GLT1D1: variants seen among roughly 807,000 people sequenced by gnomAD.
GLT1D1 encodes glycosyltransferase 1 domain-containing protein 1.
GLT1D1 carries 21 observed loss-of-function variants against 28.7 expected under a neutral mutation model. That is an observed-to-expected ratio of 0.73 (90% CI 0.52 to 1.05). The LOEUF (loss-of-function observed/expected upper bound fraction) is 1.05, where lower values mean the gene tolerates loss of function less well. GLT1D1 is among the 50% of genes least tolerant of loss of function. The pLI, the probability that GLT1D1 is intolerant of heterozygous loss-of-function variation, is 0.00. For missense variants in GLT1D1, 343 were observed against 330.6 expected (o/e 1.04, Z -0.29); for synonymous variants, 147 against 124.8 (o/e 1.18, Z -1.19).
chr12:128,962,144 G>A (rs1186950406), intron 7 of GLT1D1, among the ~76,000 whole-genome samples: 7 of 151,564 alleles, frequency 4.6e-5, no homozygotes, highest in African/African-American at 1.7e-4. Flanking sequence ...GTCCCCCTCG[G>A]CCTCCTGGCA....
intron 5 of GLT1D1, 121 bp downstream of exon 9, chr12:128,945,490 C>T: frequency 1.2e-6 from 1 of 848,996 alleles, no homozygotes; most frequent in Non-Finnish European, 2.0e-6. Flanking sequence ...ACTGTTTCCT[C>T]ATGCATCTTC....
chr12:128,971,405 C>A (rs1308608993), intron 7 of GLT1D1, among the ~76,000 whole-genome samples: 1 of 140,978 alleles, frequency 7.1e-6, no homozygotes, highest in Non-Finnish European at 1.5e-5. Context: ...CTTCCTTTCT[C>A]CCTTCTTCCC....
rs966874574 is a variant in GLT1D1 at position 128,928,612 on chromosome 12, G to GT, written c.376-16703dup. Among the ~76,000 whole-genome samples, 341 of 143,812 alleles carry GT rather than the reference G, an allele frequency of 2.4e-3. 4 individuals carry two copies. Among genetic ancestry groups the GT allele is most frequent in the South Asian group, 4.0e-3 (17 of 4,296 alleles). The allele number at this position is 143,812 out of a possible 152,430, so 94.3% of individuals were successfully genotyped here. On this transcript the variant is annotated intron_variant, in intron 4 of 7. Coordinates refer to ENST00000281703, the MANE Select transcript of GLT1D1 (RefSeq NM_144669.3). ...CCAGTGACAGCTCCGCGTGTTTGTG[G>GT]TTTTTTTTTTTCTTTCTTTCTTTTT...
At chr12:128,936,174 A>T (rs1410533500) in intron 4 of GLT1D1, among the ~76,000 whole-genome samples, 52 of 88,344 alleles carry the variant, frequency 5.9e-4, no homozygotes, top group African/African-American at 2.0e-3. Flanking sequence ...TTTTTTTTTG[A>T]GACGGAGTCT....
chr12:128,944,806 G>GTATATATATATATATATATGTATA (rs138322800), intron 4 of GLT1D1: 1 of 222,488 alleles, frequency 4.5e-6, no homozygotes, highest in African/African-American at 2.3e-5. Flanking sequence ...ATATATATAT[G>GTATATATATATATATATATGTATA]TATATATATA....
chr12:128,898,873 T>TAGTGG (rs1398188749), intron 3 of GLT1D1, among the ~76,000 whole-genome samples: 2 of 152,244 alleles, frequency 1.3e-5, no homozygotes, highest in Non-Finnish European at 2.9e-5. Context: ...TTGGCAGAGC[T>TAGTGG]AGTGGAGTGG....
chr12:128,882,574 C>CA (rs1957084480), intron 2 of GLT1D1, among the ~76,000 whole-genome samples: 1 of 152,170 alleles, frequency 6.6e-6, no homozygotes, highest in Admixed American at 6.5e-5. Flanking sequence ...CCACCACACC[C>CA]AGCCTGCAAA....
intron 1 of GLT1D1, among the ~76,000 whole-genome samples, chr12:128,858,332 A>G (rs547571063): frequency 6.6e-6 from 1 of 152,338 alleles, no homozygotes; most frequent in South Asian, 2.1e-4. Context: ...CCATATCTTG[A>G]AATGGCCCTG....
intron 4 of GLT1D1, among the ~76,000 whole-genome samples, chr12:128,936,177 C>T (rs1423261520): frequency 6.7e-5 from 9 of 133,998 alleles, no homozygotes; most frequent in South Asian, 2.3e-4. Context: ...TTTTTTGAGA[C>T]GGAGTCTCAC....
intron 7 of GLT1D1, among the ~76,000 whole-genome samples, chr12:128,964,595 CA>C (rs1878279165): frequency 6.6e-6 from 1 of 152,186 alleles, no homozygotes; most frequent in Non-Finnish European, 1.5e-5. Context: ...TGAACTCTCA[CA>C]ACAATTCCAG....
intron 4 of GLT1D1, among the ~76,000 whole-genome samples, chr12:128,901,934 A>G (rs539303622): frequency 6.6e-6 from 1 of 151,780 alleles, no homozygotes; most frequent in African/African-American, 2.4e-5. Context: ...TTCAAGTAAA[A>G]TTAGAATTTT....
intron 6 of GLT1D1, among the ~76,000 whole-genome samples, chr12:128,952,221 T>C (rs1876764359): frequency 6.6e-6 from 1 of 151,762 alleles, no homozygotes; most frequent in Admixed American, 6.6e-5. Flanking sequence ...TAGGACGTAG[T>C]AAGTGCTGAG....
intron 4 of GLT1D1, chr12:128,944,606 T>C: frequency 1.3e-6 from 1 of 742,032 alleles, no homozygotes; most frequent in East Asian, 2.7e-5. Flanking sequence ...TCAAAGGACA[T>C]ATTCAGGTTA....
In GLT1D1 at chr12:128,861,241, C is replaced by T. The variant is rs73151601; in HGVS notation, c.68+7592C>T. ...CCCCAGCTATACTATTATACGCTTA[C>T]GTGTTGTTCACATTTCTGCTTTTGC... is the stretch of plus-strand genomic sequence containing the variant. On this transcript the variant is annotated intron_variant, in intron 1 of 7. Coordinates refer to ENST00000281703, the MANE Select transcript of GLT1D1 (RefSeq NM_144669.3). Among the ~76,000 whole-genome samples, 231 of 152,308 alleles carry T rather than the reference C, an allele frequency of 1.5e-3. 1 individual carries two copies. Among genetic ancestry groups the T allele is most frequent in the Middle Eastern group, 6.8e-3 (2 of 294 alleles).
chr12:128,859,201 T>C (rs1246694522), intron 1 of GLT1D1, among the ~76,000 whole-genome samples: 1 of 152,202 alleles, frequency 6.6e-6, no homozygotes, highest in African/African-American at 2.4e-5. Context: ...ACTCTTTTCA[T>C]CAACAACAGT....
At chr12:128,927,029 A>G in intron 4 of GLT1D1, 76 bp from the exon 8 acceptor site, 2 of 909,594 alleles carry the variant, frequency 2.2e-6, no homozygotes, top group Non-Finnish European at 3.4e-6. Context: ...AGAAATTTAT[A>G]TTGAAGTTAG....
In GLT1D1 at chr12:128,901,833, G is replaced by A. The variant is rs950122742; in HGVS notation, c.375+2546G>A. Reference sequence around the variant, plus strand: ...TGCAATCATGGCTCACTGGAGCCTCGAACACCTAGGCTCAAGCCATCCTCC... The same window carrying A: ...TGCAATCATGGCTCACTGGAGCCTCAAACACCTAGGCTCAAGCCATCCTCC... On this transcript the variant is annotated intron_variant, in intron 4 of 7. Coordinates refer to ENST00000281703, the MANE Select transcript of GLT1D1 (RefSeq NM_144669.3). Among the ~76,000 whole-genome samples the A allele has an allele frequency of 5.3e-5, 8 of 150,134 alleles. 1 individual carries two copies. The highest frequency in any genetic ancestry group is 1.7e-4 in the African/African-American group (7 of 40,354).
chr12:128,982,670 ATGTGTGCG>A (rs1341652960), intron 7 of GLT1D1, among the ~76,000 whole-genome samples: 1 of 151,914 alleles, frequency 6.6e-6, no homozygotes, highest in Non-Finnish European at 1.5e-5. Context: ...ATCCCAGCAT[ATGTGTGCG>A]TGTGTGTGCA....
intron 1 of GLT1D1, among the ~76,000 whole-genome samples, chr12:128,869,890 G>C (rs1389775096): frequency 6.6e-6 from 1 of 151,586 alleles, no homozygotes; most frequent in East Asian, 1.9e-4. Flanking sequence ...TGCCTGTTAG[G>C]TGATTGAATT....
Sources: gnomAD v4.1 joint callset for allele counts (sites outside exome capture counted in the v4.1 genomes callset) on GRCh38, gnomAD v4.1.1 for gene constraint, MANE v1.5 for transcripts, NCBI Gene and HGNC (gene_info 2026-07-23, HGNC 2026-07-21) for gene names.